TMEM201: variants seen among roughly 807,000 people sequenced by gnomAD.
TMEM201 encodes the protein RP13-15M17.2.
In TMEM201, 26 loss-of-function variants were observed where a neutral mutation model predicts 63.4. That is an observed-to-expected ratio of 0.41 (90% CI 0.30 to 0.57). TMEM201 has a LOEUF of 0.57. TMEM201 is among the 20% of genes least tolerant of loss of function. The pLI is 0.29. For missense variants in TMEM201, 794 were observed against 917.7 expected (o/e 0.87, Z 1.74); for synonymous variants, 417 against 421.6 (o/e 0.99, Z 0.14).
Position 9,607,808 on chromosome 1 carries a change from T to C in TMEM201, c.1393+19T>C, listed in dbSNP as rs1470790931. 1.3e-6 allele frequency: 2 copies of C among 1,549,434 alleles called. No homozygotes were observed. Among genetic ancestry groups the C allele is most frequent in the East Asian group, 2.4e-5 (1 of 40,920 alleles). On this transcript the variant is annotated intron_variant, in intron 7 of 10. Transcript: ENST00000340381. This position sits in a 1 kb window ranked among gnomAD's most constrained non-coding sequence, Gnocchi z 5.4. ...CGAGCAGGTAAGGGGTGCCCAGGCA[T>C]TGGCAGACAGTCAGGGCTAGGGGCA...
At chr1:9,593,379 G>T (rs961483198) in intron 1 of TMEM201, among the ~76,000 whole-genome samples, 2 of 152,200 alleles carry the variant, frequency 1.3e-5, no homozygotes, top group Non-Finnish European at 2.9e-5. Flanking sequence ...ACCCCCAAAG[G>T]CACTGTGGGA....
intron 1 of TMEM201, among the ~76,000 whole-genome samples, chr1:9,595,057 C>T (rs1220065919): frequency 1.3e-5 from 2 of 152,184 alleles, no homozygotes; most frequent in Non-Finnish European, 2.9e-5. Flanking sequence ...CCCCAGGGCT[C>T]CCACAGCTGC....
chr1:9,600,492 G>A (rs1644116495), intron 4 of TMEM201, among the ~76,000 whole-genome samples: 2 of 152,206 alleles, frequency 1.3e-5, no homozygotes, highest in Admixed American at 6.5e-5. Context: ...CCCATGCTCA[G>A]ATACGCACAT....
chr1:9,597,133 G>T (rs1243165188), intron 3 of TMEM201, 80 bp downstream of exon 3: 3 of 1,475,944 alleles, frequency 2.0e-6, no homozygotes, highest in Admixed American at 4.1e-5. Flanking sequence ...CACGTGCAGG[G>T]TGCTGACTCT....
Position 9,603,023 on chromosome 1 carries a change from A to G in TMEM201, c.1160+751A>G, listed in dbSNP as rs967795292. ...CGAGACCCCACCTGAGACAGGCAGT[A>G]GGAGCCTGTGCTGACCTTGGGGAAT... On this transcript the variant is annotated intron_variant, in intron 6 of 10. Coordinates refer to ENST00000340381, the MANE Select transcript of TMEM201 (RefSeq NM_001130924.3). The surrounding 1 kb of genome is among the most constrained non-coding windows in gnomAD (Gnocchi z 4.5). 3 of 985,452 alleles carry G rather than the reference A, an allele frequency of 3.0e-6. No individual in the cohort carries two copies. The highest frequency in any genetic ancestry group is 3.5e-5 in the African/African-American group (2 of 57,252). The allele number at this position is 985,452 out of a possible 1,614,324, so 61.0% of individuals were successfully genotyped here.
At chr1:9,601,598 G>A (rs1644143960) in intron 5 of TMEM201, 144 bp downstream of exon 5, 1 of 863,936 alleles carries the variant, frequency 1.2e-6, no homozygotes. Context: ...TTGGTCCCAG[G>A]GGCTGGGAGT....
In TMEM201 at chr1:9,604,881, C is replaced by T. The variant is rs1644214518; in HGVS notation, c.1160+2609C>T. ...GTGACCCTCTCATCACTGTAACCAT[C>T]GCGCCTGGCCTAGATGTCGTGTTTT... On this transcript the variant is annotated intron_variant, in intron 6 of 10. Transcript: ENST00000340381. The surrounding 1 kb of genome is among the most constrained non-coding windows in gnomAD (Gnocchi z 4.1). 2 of 985,816 alleles carry T rather than the reference C, an allele frequency of 2.0e-6. No homozygotes were observed. Among genetic ancestry groups the T allele is most frequent in the Admixed American group, 6.1e-5 (1 of 16,272 alleles). 61.1% of individuals were successfully genotyped at this position (985,816 alleles called of 1,614,324 possible).
At chr1:9,591,150 A>G (rs1272325007) in intron 1 of TMEM201, among the ~76,000 whole-genome samples, 2 of 152,200 alleles carry the variant, frequency 1.3e-5, no homozygotes, top group African/African-American at 2.4e-5. Flanking sequence ...TTCCCCACGC[A>G]TGGAGTCCTC....
In TMEM201 at chr1:9,609,888, G is replaced by A. The variant is rs367569456; in HGVS notation, c.1442G>A (p.Arg481Gln). The A allele has an allele frequency of 1.3e-5, 20 of 1,551,352 alleles. No homozygotes were observed. Among genetic ancestry groups the A allele is most frequent in the East Asian group, 2.4e-5 (1 of 40,930 alleles). The change falls in exon 8 of 11, where the codon CGA (arginine) becomes CAA (glutamine). Residue 481 changes from arginine to glutamine, a missense_variant. By Grantham distance (43) the Arg-to-Gln change is conservative. Coordinates refer to ENST00000340381, the MANE Select transcript of TMEM201 (RefSeq NM_001130924.3). The stretch of plus-strand genomic sequence containing the variant: ...AGCCGCCCACCATCTCAGGTGTCTC[G>A]ATCTGGGGAGTTTCCTGTTTCAGGT... ...SGSRPPSQVS[R>Q]SGEFPVSDYF...
chr1:9,611,054 A>G, intron 9 of TMEM201: 1 of 1,520,822 alleles, frequency 6.6e-7, no homozygotes, highest in Non-Finnish European at 8.8e-7. Context: ...ACTGATCGAA[A>G]ACACATCACG....
chr1:9,603,504 G>T lies in TMEM201; in HGVS notation c.1160+1232G>T. ...CTGCCCACTCCCTCAGGGCCCACAT[G>T]TCCTGCCACTCGCCACTCTGAGCAC... is the stretch of plus-strand genomic sequence containing the variant. On this transcript the variant is annotated intron_variant, in intron 6 of 10. Transcript: ENST00000340381. This position sits in a 1 kb window ranked among gnomAD's most constrained non-coding sequence, Gnocchi z 4.5. The T allele has an allele frequency of 2.0e-5, 20 of 985,516 alleles. No homozygotes were observed. The highest frequency in any genetic ancestry group is 2.4e-5 in the Non-Finnish European group (20 of 830,008). 61.0% of individuals were successfully genotyped at this position (985,516 alleles called of 1,614,324 possible). A position where few individuals can be genotyped will look rare whatever the true frequency, so the allele number is the denominator to read the frequency against.
At chr1:9,594,544 G>A (rs1456991654) in intron 1 of TMEM201, among the ~76,000 whole-genome samples, 1 of 152,236 alleles carries the variant, frequency 6.6e-6, no homozygotes, top group East Asian at 1.9e-4. Context: ...TTGTGAGGGA[G>A]GTGCTTTTGT....
At chr1:9,612,866 CAG>C (rs1473578759) in intron 10 of TMEM201, 118 bp from the exon 11 acceptor site, 1 of 839,110 alleles carries the variant, frequency 1.2e-6, no homozygotes, top group Non-Finnish European at 1.9e-6. Context: ...TCACCAGTCT[CAG>C]AGAGTACCCT....
chr1:9,611,831 C>G lies in TMEM201; in HGVS notation c.1844C>G (p.Ser615Cys). The change falls in exon 10 of 11, where the codon TCT becomes TGT. Residue 615 changes from serine (S) to cysteine (C), a missense_variant. Physicochemically the swap from Ser to Cys is moderately radical, Grantham distance 112. Coordinates refer to ENST00000340381, the MANE Select transcript of TMEM201 (RefSeq NM_001130924.3). ...AAAGAGGACGACTCTTCCCAGTCATCTACCTGTGTGGTGGACACCACCACC... is the reference window on the plus strand; with the variant it reads ...AAAGAGGACGACTCTTCCCAGTCATGTACCTGTGTGGTGGACACCACCACC... Reference protein sequence around the residue: ...IKKEDDSSQSSTCVVDTTTRG... With the variant: ...IKKEDDSSQSCTCVVDTTTRG... The G allele has an allele frequency of 6.4e-7, 1 of 1,550,894 alleles. No individual in the cohort carries two copies. The highest frequency in any genetic ancestry group is 2.4e-5 in the East Asian group (1 of 40,916).
At chr1:9,590,366 G>A (rs1279351969) in intron 1 of TMEM201, among the ~76,000 whole-genome samples, 1 of 152,184 alleles carries the variant, frequency 6.6e-6, no homozygotes, top group Non-Finnish European at 1.5e-5. Context: ...GTTCTTCCTG[G>A]ACGAAGCCGC....
chr1:9,589,126 T>C (rs1643878207), intron 1 of TMEM201, 83 bp downstream of exon 1: 11 of 590,318 alleles, frequency 1.9e-5, no homozygotes, highest in Non-Finnish European at 2.3e-5. Flanking sequence ...GCTGCCCCCC[T>C]CGGCCGGGAC....
At chr1:9,593,384 G>A (rs1440370818) in intron 1 of TMEM201, among the ~76,000 whole-genome samples, 1 of 152,202 alleles carries the variant, frequency 6.6e-6, no homozygotes, top group Non-Finnish European at 1.5e-5. Flanking sequence ...CAAAGGCACT[G>A]TGGGAGAGGA....
rs1644281134 is a variant in TMEM201 at position 9,608,713 on chromosome 1, G to A, written c.1393+924G>A. ...TCAAGCCCCTTGGGAGGGGAGCGTG[G>A]CAATCCCAGGGCCAGTTCAGGCCTC... is the stretch of plus-strand genomic sequence containing the variant. On this transcript the variant is annotated intron_variant, in intron 7 of 10. Coordinates refer to ENST00000340381, the MANE Select transcript of TMEM201 (RefSeq NM_001130924.3). The surrounding 1 kb of genome is among the most constrained non-coding windows in gnomAD (Gnocchi z 4.3). 1.3e-5 allele frequency among the ~76,000 whole-genome samples: 2 copies of A among 152,200 alleles called. No homozygotes were observed. Among genetic ancestry groups the A allele is most frequent in the Non-Finnish European group, 1.5e-5 (1 of 68,038 alleles).
chr1:9,598,677 A>G (rs766314474), intron 4 of TMEM201, 52 bp downstream of exon 4: 69 of 1,571,832 alleles, frequency 4.4e-5, no homozygotes, highest in Non-Finnish European at 5.5e-5. Context: ...TTTGTTCAGG[A>G]AACCCTCCCA....
Sources: allele counts gnomAD v4.1 joint callset (sites outside exome capture counted in the v4.1 genomes callset), GRCh38; gene constraint gnomAD v4.1.1; non-coding constraint Gnocchi (gnomAD v3.1); transcripts MANE v1.5; gene names NCBI Gene and HGNC (gene_info 2026-07-23, HGNC 2026-07-21).